Variants in SLC4A10 observed in about 807,000 individuals in gnomAD.
The protein encoded by SLC4A10 is sodium-driven chloride bicarbonate exchanger.
In SLC4A10, 42 loss-of-function variants were observed where a neutral mutation model predicts 137.7. The ratio of observed to expected loss-of-function variants is 0.30; its 90% CI spans 0.24 to 0.39. The LOEUF is 0.39. SLC4A10 is among the 10% of genes least tolerant of loss of function. The pLI is 1.00. For missense variants in SLC4A10, 925 were observed against 1,355.0 expected (o/e 0.68, Z 4.98); for synonymous variants, 474 against 464.1 (o/e 1.02, Z -0.27).
chr2:161,655,806 T>G (rs891164753), intron 1 of SLC4A10, among the ~76,000 whole-genome samples: 5 of 150,330 alleles, frequency 3.3e-5, no homozygotes, highest in African/African-American at 1.0e-4. Context: ...CAACACACAT[T>G]AAAAATTCTT....
intron 1 of SLC4A10, among the ~76,000 whole-genome samples, chr2:161,631,038 C>T (rs1207304977): frequency 6.6e-6 from 1 of 151,634 alleles, no homozygotes; most frequent in Non-Finnish European, 1.5e-5. Flanking sequence ...AATGTCAGGT[C>T]TTTTTGCCCA....
intron 3 of SLC4A10, among the ~76,000 whole-genome samples, chr2:161,805,860 T>G (rs2055890835): frequency 6.6e-6 from 1 of 152,194 alleles, no homozygotes; most frequent in Non-Finnish European, 1.5e-5. Flanking sequence ...GTGGCCCTTT[T>G]CTCACAGCTC....
intron 1 of SLC4A10, among the ~76,000 whole-genome samples, chr2:161,727,106 T>C (rs2046318261): frequency 6.6e-6 from 1 of 152,302 alleles, no homozygotes; most frequent in South Asian, 2.1e-4. Context: ...GTAACCCAGG[T>C]ACAGTTAAAG....
At chr2:161,792,419 A>G (rs1260950063) in intron 2 of SLC4A10, among the ~76,000 whole-genome samples, 1 of 152,060 alleles carries the variant, frequency 6.6e-6, no homozygotes, top group Non-Finnish European at 1.5e-5. Flanking sequence ...TATTAACACT[A>G]TATTTTTGTT....
At chr2:161,638,133 A>G (rs1233791031) in intron 1 of SLC4A10, among the ~76,000 whole-genome samples, 1 of 152,128 alleles carries the variant, frequency 6.6e-6, no homozygotes, top group Non-Finnish European at 1.5e-5. Flanking sequence ...TTTCAGCTTA[A>G]TGTAATCCCA....
chr2:161,756,111 A>G (rs562259687), intron 1 of SLC4A10, among the ~76,000 whole-genome samples: 9 of 152,266 alleles, frequency 5.9e-5, no homozygotes, highest in Admixed American at 3.9e-4. Flanking sequence ...AGTATGCTGT[A>G]CCATTTGATT....
rs761839337 is a variant in SLC4A10, at chr2:161,949,228, A to G, written c.2346A>G (p.Pro782=). ...TAATTGACTATGCCATTGGGATCCC[A>G]TCTCCAAAACTACAAGTACCAAGTG... ...MVLIDYAIGI[P]SPKLQVPSVF... is the part of the protein sequence containing the mutation. The change falls in exon 18 of 27, where the codon CCA becomes CCG. Residue 782 remains proline, a synonymous_variant. Coordinates refer to ENST00000446997, the MANE Select transcript of SLC4A10 (RefSeq NM_001178015.2). 1.2e-6 allele frequency: 2 copies of G among 1,611,148 alleles called. No homozygotes were observed. The highest frequency in any genetic ancestry group is 1.7e-6 in the Non-Finnish European group (2 of 1,178,218).
At chr2:161,912,195 G>C (rs553985694) in intron 15 of SLC4A10, among the ~76,000 whole-genome samples, 1 of 151,986 alleles carries the variant, frequency 6.6e-6, no homozygotes, top group Non-Finnish European at 1.5e-5. Flanking sequence ...GTTACTCTTC[G>C]TATCTACTTT....
intron 1 of SLC4A10, among the ~76,000 whole-genome samples, chr2:161,745,921 C>T (rs2048342271): frequency 6.6e-6 from 1 of 152,138 alleles, no homozygotes; most frequent in African/African-American, 2.4e-5. Flanking sequence ...TACTTTCCCA[C>T]AAACAAATGG....
At chr2:161,711,876 A>G (rs1167425898) in intron 1 of SLC4A10, among the ~76,000 whole-genome samples, 1 of 151,820 alleles carries the variant, frequency 6.6e-6, no homozygotes, top group African/African-American at 2.4e-5. Context: ...GTTGTGGTAA[A>G]CATTAAGTGA....
chr2:161,937,436 C>T (rs1691780555), intron 15 of SLC4A10, among the ~76,000 whole-genome samples: 1 of 152,178 alleles, frequency 6.6e-6, no homozygotes, highest in East Asian at 1.9e-4. Flanking sequence ...ACTGTTTATT[C>T]TCTGTAGTTC....
chr2:161,945,182 G>GTATATATATA (rs56159201), intron 16 of SLC4A10, among the ~76,000 whole-genome samples: 5 of 88,830 alleles, frequency 5.6e-5, no homozygotes, highest in Admixed American at 1.2e-4. Context: ...AAGTTTGTGT[G>GTATATATATA]TATATATATA....
chr2:161,685,991 C>T (rs1160110013), intron 1 of SLC4A10, among the ~76,000 whole-genome samples: 1 of 152,112 alleles, frequency 6.6e-6, no homozygotes, highest in African/African-American at 2.4e-5. Flanking sequence ...TAATAAAGCA[C>T]AAGATTCTGG....
At chr2:161,719,010 G>A (rs780070471) in intron 1 of SLC4A10, among the ~76,000 whole-genome samples, 39 of 152,092 alleles carry the variant, frequency 2.6e-4, no homozygotes, top group African/African-American at 7.5e-4. Context: ...CCATTAACTC[G>A]TCATTTAGCA....
chr2:161,788,553 C>T (rs955896510), intron 2 of SLC4A10, among the ~76,000 whole-genome samples: 2 of 151,898 alleles, frequency 1.3e-5, no homozygotes, highest in African/African-American at 4.8e-5. Context: ...GAATGTGATC[C>T]GTTTTCCTAT....
intron 1 of SLC4A10, among the ~76,000 whole-genome samples, chr2:161,629,326 T>C (rs1284578759): frequency 2.1e-5 from 3 of 139,760 alleles, no homozygotes; most frequent in Non-Finnish European, 4.7e-5. Flanking sequence ...GGTGTACTAC[T>C]TTTTTTTTTT....
rs1438847415 is a variant in SLC4A10, at chr2:161,965,301, A to G, written c.3159+128A>G. On this transcript the variant is annotated intron_variant, in intron 23 of 26. Coordinates refer to ENST00000446997, the MANE Select transcript of SLC4A10 (RefSeq NM_001178015.2). ...TAGACAGTGATCACTAACAACCACA[A>G]GTAGACTAGTTTGGAAGTTTAATGT... The G allele has an allele frequency of 2.4e-5, 20 of 850,632 alleles. No individual in the cohort carries two copies. In the South Asian group the frequency reaches 2.8e-4, roughly 12 times the overall value. The allele number at this position is 850,632 out of a possible 1,614,324, so 52.7% of individuals were successfully genotyped here.
At chr2:161,844,291 T>C (rs2059363952) in intron 4 of SLC4A10, among the ~76,000 whole-genome samples, 1 of 152,172 alleles carries the variant, frequency 6.6e-6, no homozygotes, top group Non-Finnish European at 1.5e-5. Flanking sequence ...AAATTAGTAA[T>C]GGTTTAAGTC....
At chr2:161,798,594 T>G (rs1034322098) in intron 2 of SLC4A10, among the ~76,000 whole-genome samples, 36 of 151,842 alleles carry the variant, frequency 2.4e-4, no homozygotes, top group Admixed American at 7.2e-4. Context: ...ACAACTTAAG[T>G]GTCAAACATC....
Sources: gnomAD v4.1 joint callset for allele counts (sites outside exome capture counted in the v4.1 genomes callset) on GRCh38, gnomAD v4.1.1 for gene constraint, MANE v1.5 for transcripts, NCBI Gene and HGNC (gene_info 2026-07-23, HGNC 2026-07-21) for gene names.